The following SUCLA2 variants were observed in gnomAD, a reference collection of about 807,000 sequenced individuals.
SUCLA2 encodes the protein succinate--CoA ligase [ADP-forming] subunit beta, mitochondrial.
Under a neutral mutation model 54.8 loss-of-function variants are expected in SUCLA2, and 30 were observed. The observed-to-expected ratio is 0.55, with a 90% CI of 0.41 to 0.74. SUCLA2 has a LOEUF of 0.74. SUCLA2 is among the 30% of genes least tolerant of loss of function. The pLI is 0.00. For synonymous variants in SUCLA2, 172 were observed against 188.9 expected (o/e 0.91, Z 0.74); for missense variants, 476 against 562.9 (o/e 0.85, Z 1.56).
intron 5 of SUCLA2, among the ~76,000 whole-genome samples, chr13:47,973,000 T>C (rs1949981036): frequency 2.0e-5 from 3 of 151,930 alleles, no homozygotes; most frequent in Admixed American, 6.6e-5. Context: ...TCCGCCCACT[T>C]TGGCCTCCCA....
In SUCLA2 at chr13:47,949,491, C is replaced by T. The variant is rs141295770; in HGVS notation, c.1220G>A (p.Arg407Gln). ...DLEIKIPVVV[R>Q]LQGTRVDDAK... The stretch of plus-strand genomic sequence containing the variant: ...ATACCTTTTATACTCACCTTGTAAC[C>T]GTACCACAACAGGTATTTTAATTTC... The change falls in exon 9 of 11, where the codon CGG (arginine) becomes CAG (glutamine). Residue 407 changes from arginine (R) to glutamine (Q), a missense_variant. Arg to Gln is a conservative substitution (Grantham distance 43). Around this residue, in one of 2 missense-constraint regions of SUCLA2, gnomAD observed 342 missense variants for 444.2 expected, o/e 0.77. Coordinates refer to ENST00000646932, the MANE Select transcript of SUCLA2 (RefSeq NM_003850.3). The T allele has an allele frequency of 5.0e-6, 8 of 1,613,348 alleles. No individual in the cohort carries two copies. The highest frequency in any genetic ancestry group is 6.8e-6 in the Non-Finnish European group (8 of 1,179,526).
rs116776179 is a variant in SUCLA2 at position 47,980,072 on chromosome 13, C to T, written c.535-6680G>A. Among the ~76,000 whole-genome samples the T allele has an allele frequency of 9.9e-3, 1,512 of 152,250 alleles. 19 individuals carry two copies. The highest frequency in any genetic ancestry group is 0.032 in the African/African-American group (1,314 of 41,536). The stretch of plus-strand genomic sequence containing the variant: ...CTTAAGGATAGCCTAATCGAGGAGG[C>T]ATAAGACTTATGAACCAAAAACTAC... On this transcript the variant is annotated intron_variant, in intron 4 of 10. Transcript: ENST00000646932.
chr13:47,948,619 T>C (rs1012937010), intron 10 of SUCLA2, among the ~76,000 whole-genome samples: 2 of 152,058 alleles, frequency 1.3e-5, no homozygotes, highest in Non-Finnish European at 2.9e-5. Context: ...TGTATCCTTT[T>C]AGTAATTTTT....
intron 10 of SUCLA2, among the ~76,000 whole-genome samples, chr13:47,948,562 A>G (rs1593476835): frequency 6.6e-6 from 1 of 152,264 alleles, no homozygotes; most frequent in Non-Finnish European, 1.5e-5. Flanking sequence ...AATTTTACCA[A>G]GAATCTTGCT....
intron 5 of SUCLA2, among the ~76,000 whole-genome samples, chr13:47,969,702 G>A (rs576882021): frequency 4.6e-5 from 7 of 152,160 alleles, no homozygotes; most frequent in African/African-American, 1.7e-4. Flanking sequence ...ATCTAAGGTT[G>A]TAACACATTC....
At chr13:47,965,557 A>C in intron 6 of SUCLA2, 1 of 398,202 alleles carries the variant, frequency 2.5e-6, no homozygotes, top group Admixed American at 4.4e-5. Flanking sequence ...ACAAAAAATA[A>C]GGTCAAGAAA....
chr13:47,999,647 C>A (rs1403774411), intron 1 of SUCLA2, among the ~76,000 whole-genome samples: 5 of 151,304 alleles, frequency 3.3e-5, no homozygotes, highest in Non-Finnish European at 5.9e-5. Context: ...GCGGAGCTTG[C>A]AGTGAGCCAA....
chr13:47,966,718 TA>T (rs35050490), intron 6 of SUCLA2, among the ~76,000 whole-genome samples: 1,516 of 145,726 alleles, frequency 0.01, 30 homozygotes, highest in African/African-American at 0.035. Flanking sequence ...TTTCTTTAAA[TA>T]AAAAAAAAAA....
At chr13:48,000,936 G>A (rs1593508454) in intron 1 of SUCLA2, 2 of 1,391,290 alleles carry the variant, frequency 1.4e-6, no homozygotes, top group East Asian at 2.7e-5. Context: ...AGAAACTGCA[G>A]GAGCAGCCAC....
At chr13:47,946,821 T>C (rs553384902) in intron 10 of SUCLA2, among the ~76,000 whole-genome samples, 2 of 152,100 alleles carry the variant, frequency 1.3e-5, no homozygotes, top group African/African-American at 2.4e-5. Context: ...TATGATAGTA[T>C]GGCATGAACG....
intron 6 of SUCLA2, among the ~76,000 whole-genome samples, chr13:47,964,039 T>C (rs796249557): frequency 2.0e-5 from 3 of 152,274 alleles, no homozygotes; most frequent in African/African-American, 7.2e-5. Context: ...AGCTTGTTGG[T>C]AATAGAAAAC....
In SUCLA2 at chr13:47,954,264, G is replaced by A; in HGVS notation, c.983C>T (p.Ala328Val). 1 of 1,613,900 alleles carries A rather than the reference G, an allele frequency of 6.2e-7. No homozygotes were observed. Residue 328 changes from alanine (A) to valine (V), a missense_variant, in exon 8 of 11, where the codon GCT (alanine) becomes GTT (valine). Ala to Val is a moderately conservative substitution (Grantham distance 64, BLOSUM62 0). This residue lies in a region of SUCLA2 where 342 missense variants were observed against 444.2 expected (regional missense o/e 0.77). Coordinates refer to ENST00000646932, the MANE Select transcript of SUCLA2 (RefSeq NM_003850.3). ...IGCLVNGAGL[A>V]MATMDIIKLH... ...TTTTATTATATCCATTGTGGCCATA[G>A]CCAAACCAGCACCATTTACTATATA...
intron 4 of SUCLA2, among the ~76,000 whole-genome samples, chr13:47,986,062 A>T (rs1593499025): frequency 2.2e-5 from 2 of 92,334 alleles, no homozygotes; most frequent in African/African-American, 4.2e-5. Flanking sequence ...ACGGATTCTT[A>T]CTCTGTCGCC....
chr13:47,965,664 C>T (rs1449985275), intron 6 of SUCLA2: 3 of 398,240 alleles, frequency 7.5e-6, no homozygotes, highest in Non-Finnish European at 1.3e-5. Context: ...GTATAAAGGA[C>T]ATCAGTAGGA....
chr13:47,961,994 C>G (rs1467480969), intron 6 of SUCLA2, among the ~76,000 whole-genome samples: 4 of 152,130 alleles, frequency 2.6e-5, no homozygotes, highest in Non-Finnish European at 5.9e-5. Flanking sequence ...TTTCAGGACT[C>G]TAATTAAAGA....
intron 6 of SUCLA2, among the ~76,000 whole-genome samples, chr13:47,955,326 C>T (rs1949811687): frequency 6.6e-6 from 1 of 152,070 alleles, no homozygotes; most frequent in Admixed American, 6.6e-5. Flanking sequence ...CTCAGCCTTC[C>T]GAGTAGCTGG....
chr13:47,965,504 A>AAAC (rs1171499831), intron 6 of SUCLA2: 11 of 388,044 alleles, frequency 2.8e-5, no homozygotes, highest in Admixed American at 9.0e-5. Context: ...TAAAAAAAAA[A>AAAC]AAACAAACAA....
chr13:47,950,768 A>T (rs2137689722), intron 8 of SUCLA2, among the ~76,000 whole-genome samples: 1 of 152,282 alleles, frequency 6.6e-6, no homozygotes, highest in East Asian at 1.9e-4. Context: ...TTCTTGGGGC[A>T]GCTAGTAATG....
At chr13:47,986,310 C>T (rs1237822514) in intron 4 of SUCLA2, among the ~76,000 whole-genome samples, 1 of 152,136 alleles carries the variant, frequency 6.6e-6, no homozygotes, top group Non-Finnish European at 1.5e-5. Flanking sequence ...GGATTACAGG[C>T]GTGAGCCACC....
Sources: gnomAD v4.1 joint callset for allele counts (sites outside exome capture counted in the v4.1 genomes callset) on GRCh38, gnomAD v4.1.1 for gene constraint, gnomAD v4.1.1 regional missense constraint, MANE v1.5 for transcripts, NCBI Gene and HGNC (gene_info 2026-07-23, HGNC 2026-07-21) for gene names.